Variants in LPAR1 observed in about 807,000 individuals in gnomAD.
LPAR1 encodes lysophosphatidic acid receptor 1.
LPAR1 carries 5 observed loss-of-function variants against 23.8 expected under a neutral mutation model. The ratio of observed to expected loss-of-function variants is 0.21; its 90% CI spans 0.11 to 0.44. The LOEUF is 0.44. Ranked by LOEUF, LPAR1 falls within the 20% of genes least tolerant of loss-of-function variation. The pLI is 0.99. For missense variants in LPAR1, 311 were observed against 482.8 expected, an observed-to-expected ratio of 0.64 and a Z score of 3.33; for synonymous variants, 160 against 164.7, an observed-to-expected ratio of 0.97 and a Z score of 0.22.
At chr9:110,913,665 C>G (rs1479080105) in intron 5 of LPAR1, among the ~76,000 whole-genome samples, 1 of 152,038 alleles carries the variant, frequency 6.6e-6, no homozygotes, top group Non-Finnish European at 1.5e-5. Flanking sequence ...AAAGCACATT[C>G]TGAATGGAAC....
At chr9:111,020,716 C>T (rs1481724779) in intron 2 of LPAR1, among the ~76,000 whole-genome samples, 1 of 152,188 alleles carries the variant, frequency 6.6e-6, no homozygotes, top group Admixed American at 6.5e-5. Context: ...TGGACCTACA[C>T]ATTGCCAAAC....
rs1419855224 is a variant in LPAR1, at chr9:111,023,070, A to C, written c.-182+13052T>G. ...CGTCTCAACAAAAAAAAAAAAAAAA[A>C]AAAAAAACCCTGCTATTTAGCAATA... On this transcript the variant is annotated intron_variant, in intron 2 of 5. Transcript: ENST00000683809. Among the ~76,000 whole-genome samples the C allele has an allele frequency of 2.8e-5, 4 of 140,524 alleles. 1 individual carries two copies. The highest frequency in any genetic ancestry group is 1.5e-4 in the Admixed American group (2 of 13,640). 92.2% of individuals were successfully genotyped at this position (140,524 alleles called of 152,430 possible). A position where few individuals can be genotyped will look rare whatever the true frequency, so the allele number is the denominator to read the frequency against.
chr9:110,910,993 C>A (rs1319848698), intron 5 of LPAR1, among the ~76,000 whole-genome samples: 2 of 152,156 alleles, frequency 1.3e-5, no homozygotes, highest in Admixed American at 1.3e-4. Flanking sequence ...AATATTCCAT[C>A]AACTTAGTTG....
intron 2 of LPAR1, among the ~76,000 whole-genome samples, chr9:111,034,367 G>A (rs1343970291): frequency 6.6e-6 from 1 of 152,078 alleles, no homozygotes; most frequent in Admixed American, 6.5e-5. Context: ...GTTTAAATTA[G>A]CATTAACCAG....
Position 110,940,835 on chromosome 9 carries a change from T to C in LPAR1, c.793+586A>G, listed in dbSNP as rs763208189. Among the ~76,000 whole-genome samples, 12 of 152,226 alleles carry C rather than the reference T, an allele frequency of 7.9e-5. 1 individual carries two copies. Among genetic ancestry groups the C allele is most frequent in the South Asian group, 4.1e-4 (2 of 4,836 alleles). On this transcript the variant is annotated intron_variant, in intron 5 of 5. Transcript: ENST00000683809. Reference sequence around the variant, plus strand: ...AAATCTTGCTCTTCACCTTGAAATATGAATTAACCTCCACTACTACAAATA... The same window carrying C: ...AAATCTTGCTCTTCACCTTGAAATACGAATTAACCTCCACTACTACAAATA...
intron 2 of LPAR1, among the ~76,000 whole-genome samples, chr9:111,028,557 T>G (rs536040774): frequency 9.6e-4 from 145 of 150,828 alleles, no homozygotes; most frequent in Non-Finnish European, 1.5e-3. Flanking sequence ...CTATCTTGCA[T>G]GCAAAAAGGC....
At chr9:110,953,338 C>A (rs898622358) in intron 4 of LPAR1, among the ~76,000 whole-genome samples, 1 of 152,168 alleles carries the variant, frequency 6.6e-6, no homozygotes, top group Admixed American at 6.5e-5. Context: ...ACAGCCTCCA[C>A]AACCAACCAC....
intron 5 of LPAR1, among the ~76,000 whole-genome samples, chr9:110,904,479 A>G (rs1163157691): frequency 6.6e-6 from 1 of 152,214 alleles, no homozygotes; most frequent in Non-Finnish European, 1.5e-5. Context: ...AAACTATTCA[A>G]AGAGGTATAC....
chr9:110,932,692 T>C (rs1473901534), intron 5 of LPAR1, among the ~76,000 whole-genome samples: 1 of 152,262 alleles, frequency 6.6e-6, no homozygotes, highest in Admixed American at 6.5e-5. Context: ...GTGGCGGCAT[T>C]AGATTCTCAT....
chr9:111,005,577 A>G lies in LPAR1; in HGVS notation c.-182+30545T>C, dbSNP rs1278183555. ...AAAAAAAAAAAAAAAAAAAAAAAAA[A>G]GAAGAATTGGGAAGGAGGAAGCAAA... is the stretch of plus-strand genomic sequence containing the variant. On this transcript the variant is annotated intron_variant, in intron 2 of 5. Transcript: ENST00000683809. Among the ~76,000 whole-genome samples the G allele has an allele frequency of 3.3e-5, 4 of 120,928 alleles. No individual in the cohort carries two copies. In the East Asian group the frequency reaches 8.6e-4, roughly 26 times the overall value. The allele number at this position is 120,928 out of a possible 152,430, so 79.3% of individuals were successfully genotyped here.
intron 5 of LPAR1, among the ~76,000 whole-genome samples, chr9:110,889,154 G>A (rs1360574482): frequency 1.3e-5 from 2 of 152,168 alleles, no homozygotes; most frequent in African/African-American, 4.8e-5. Context: ...GAGGTCAGGA[G>A]ATCGAGACCA....
intron 2 of LPAR1, among the ~76,000 whole-genome samples, chr9:110,986,425 C>A (rs1157107446): frequency 6.6e-6 from 1 of 152,012 alleles, no homozygotes; most frequent in South Asian, 2.1e-4. Flanking sequence ...TAATTTTCAG[C>A]CAAGTATGGT....
At chr9:110,999,438 C>T (rs2097087285) in intron 2 of LPAR1, 1 of 456,028 alleles carries the variant, frequency 2.2e-6, no homozygotes, top group Non-Finnish European at 4.4e-6. Context: ...GTAGCAGCAG[C>T]ATCCCCACAC....
chr9:110,906,504 T>A lies in LPAR1; in HGVS notation c.794-30782A>T, dbSNP rs1206920119. The stretch of plus-strand genomic sequence containing the variant: ...GCAAGCTCATCTTTTCATTTTTTAG[T>A]ACCAACCCAACACATGCCAAAATGG... On this transcript the variant is annotated intron_variant, in intron 5 of 5. Coordinates refer to ENST00000683809, the MANE Select transcript of LPAR1 (RefSeq NM_001351411.2). Among the ~76,000 whole-genome samples, 3 of 152,214 alleles carry A rather than the reference T, an allele frequency of 2.0e-5. No individual in the cohort carries two copies. The East Asian group carries it at 5.8e-4, about 29-fold the overall frequency.
chr9:110,939,437 T>C (rs551425624), intron 5 of LPAR1, among the ~76,000 whole-genome samples: 1 of 152,328 alleles, frequency 6.6e-6, no homozygotes, highest in East Asian at 1.9e-4. Flanking sequence ...AGTTCTTCCA[T>C]CTCACAGCTT....
chr9:111,033,154 T>G (rs531444106), intron 2 of LPAR1, among the ~76,000 whole-genome samples: 1 of 152,276 alleles, frequency 6.6e-6, no homozygotes, highest in African/African-American at 2.4e-5. Context: ...AAAAAATAAT[T>G]ACAATTTTAC....
chr9:110,932,213 C>T (rs1056311966), intron 5 of LPAR1, among the ~76,000 whole-genome samples: 6 of 152,134 alleles, frequency 3.9e-5, no homozygotes, highest in African/African-American at 1.4e-4. Flanking sequence ...TTCATGTAGT[C>T]ATTCAGCAAA....
chr9:111,004,189 A>T (rs1362791466), intron 2 of LPAR1, among the ~76,000 whole-genome samples: 1 of 152,128 alleles, frequency 6.6e-6, no homozygotes, highest in Non-Finnish European at 1.5e-5. Context: ...TTTGCAAGAT[A>T]TCTCTCCCAT....
At chr9:110,981,026 T>A (rs999271797) in intron 2 of LPAR1, among the ~76,000 whole-genome samples, 31 of 152,130 alleles carry the variant, frequency 2.0e-4, no homozygotes, top group African/African-American at 7.5e-4. Flanking sequence ...AGTAACTTTA[T>A]GTTTACATAT....
Sources: allele counts gnomAD v4.1 joint callset (sites outside exome capture counted in the v4.1 genomes callset), GRCh38; gene constraint gnomAD v4.1.1; transcripts MANE v1.5; gene names NCBI Gene and HGNC (gene_info 2026-07-23, HGNC 2026-07-21).